The following TMEM179B variants were observed in gnomAD, a reference collection of about 807,000 sequenced individuals.
TMEM179B encodes the protein transmembrane protein 179B.
A neutral mutation model predicts 18.0 loss-of-function variants in TMEM179B; 13 were observed. The ratio of observed to expected loss-of-function variants is 0.72; its 90% CI spans 0.47 to 1.15. The LOEUF (loss-of-function observed/expected upper bound fraction) is 1.15. Ranked by LOEUF, TMEM179B falls within the 50% of genes most tolerant of loss-of-function variation. TMEM179B has a pLI of 0.00. For synonymous variants in TMEM179B, 159 were observed against 117.5 expected (o/e 1.35, Z -2.29); for missense variants, 320 against 270.6 (o/e 1.18, Z -1.28).
chr11:62,789,890 C>G lies in TMEM179B; in HGVS notation c.503C>G (p.Ser168Cys). The G allele has an allele frequency of 6.2e-7, 1 of 1,613,332 alleles. No homozygotes were observed. ...TCCTGTCCCTGTCTCCTACAGACCT[C>G]TTCTTGGGTGAATTTGGTATTGTGG... ...FYSNLHNAETSSWVNLVLWCV... is the reference protein window; with the variant it reads ...FYSNLHNAETCSWVNLVLWCV... The change falls in exon 5 of 5, where the codon TCT (serine) becomes TGT (cysteine). Residue 168 changes from serine (S) to cysteine (C), a missense_variant. Transcript: ENST00000333449.
Position 62,789,129 on chromosome 11 carries a change from G to A in TMEM179B, c.203G>A (p.Gly68Glu). 1.2e-6 allele frequency: 2 copies of A among 1,614,136 alleles called. No homozygotes were observed. The highest frequency in any genetic ancestry group is 1.1e-5 in the South Asian group (1 of 91,084). ...SAPSLCYFVA[G>E]ASGLLALYCL... The stretch of plus-strand genomic sequence containing the variant: ...CCATCCCTGTGCTACTTTGTAGCTG[G>A]GGCCTCTGGCCTCTTGGCCCTCTAC... The change falls in exon 2 of 5, where the codon GGG becomes GAG. Residue 68 changes from glycine (G) to glutamate (E), a missense_variant. Transcript: ENST00000333449.
chr11:62,787,465 G>A lies in TMEM179B; in HGVS notation c.34G>A (p.Ala12Thr). 1.3e-6 allele frequency: 2 copies of A among 1,575,846 alleles called. No individual in the cohort carries two copies. The highest frequency in any genetic ancestry group is 1.7e-5 in the Admixed American group (1 of 57,488). ...ALSWLQRVEL[A>T]LFAAAFLCGA... ...GTCCTGGCTGCAGCGCGTCGAGCTT[G>A]CGCTCTTTGCTGCCGCCTTCCTGTG... The change falls in exon 1 of 5, where the codon GCG (alanine) becomes ACG (threonine). Residue 12 changes from alanine to threonine, a missense_variant. Coordinates refer to ENST00000333449, the MANE Select transcript of TMEM179B (RefSeq NM_199337.3).
intron 1 of TMEM179B, among the ~76,000 whole-genome samples, chr11:62,788,585 T>G (rs1424257831): frequency 1.3e-5 from 2 of 148,188 alleles, no homozygotes; most frequent in Non-Finnish European, 3.0e-5. Flanking sequence ...GTGCCTGTAG[T>G]CCCAGCTACT....
At position 62,789,953 on chromosome 11, in the gene TMEM179B, C is replaced by T; in HGVS notation, c.566C>T (p.Ser189Phe). The change falls in exon 5 of 5, where the codon TCT becomes TTT. Residue 189 changes from serine (S) to phenylalanine (F), a missense_variant. Transcript: ENST00000333449. ...VLVLQVVQWK[S>F]EATPYRPLER... Reference sequence around the variant, plus strand: ...GTGCTCCAGGTCGTGCAGTGGAAGTCTGAAGCCACCCCATACCGGCCTCTG... The same window carrying T: ...GTGCTCCAGGTCGTGCAGTGGAAGTTTGAAGCCACCCCATACCGGCCTCTG... 1 of 1,614,144 alleles carries T rather than the reference C, an allele frequency of 6.2e-7. No individual in the cohort carries two copies.
rs1267261232 is a variant in TMEM179B at position 62,787,509 on chromosome 11, G to A, written c.78G>A (p.Ala26=). 2 of 1,576,910 alleles carry A rather than the reference G, an allele frequency of 1.3e-6. No individual in the cohort carries two copies. The highest frequency in any genetic ancestry group is 1.3e-5 in the African/African-American group (1 of 74,074). The change falls in exon 1 of 5, where the codon GCG becomes GCA. Residue 26 remains alanine, a synonymous_variant. Transcript: ENST00000333449. ...TCCTGTGCGGGGCCGTGGCGGCCGCGGCGATGACTCGGACCCAGGTGCGGC... is the reference window on the plus strand; with the variant it reads ...TCCTGTGCGGGGCCGTGGCGGCCGCAGCGATGACTCGGACCCAGGTGCGGC... ...AAFLCGAVAA[A]AMTRTQGSFS... is the part of the protein sequence containing the mutation.
chr11:62,787,864 C>G (rs1053973144), intron 1 of TMEM179B: 2 of 606,470 alleles, frequency 3.3e-6, no homozygotes, highest in South Asian at 3.0e-5. Context: ...TCCGTTAAAT[C>G]AGAAGCCATT....
intron 1 of TMEM179B, among the ~76,000 whole-genome samples, chr11:62,788,297 G>A (rs1384208095): frequency 6.6e-6 from 1 of 152,178 alleles, no homozygotes; most frequent in Non-Finnish European, 1.5e-5. Context: ...CAGCTACTTC[G>A]GAGGCTGAGG....
At chr11:62,787,648 G>T in intron 1 of TMEM179B, 121 bp downstream of exon 1, 1 of 1,265,538 alleles carries the variant, frequency 7.9e-7, no homozygotes, top group Non-Finnish European at 1.1e-6. Flanking sequence ...GGTGAGGCAC[G>T]GCTGGCGCCG....
Position 62,790,125 on chromosome 11 carries a change from A to G in TMEM179B, c.*78A>G. 1.8e-6 allele frequency: 1 copy of G among 542,904 alleles called. No individual in the cohort carries two copies. Among genetic ancestry groups the G allele is most frequent in the Non-Finnish European group, 3.0e-6 (1 of 336,876 alleles). 33.6% of individuals were successfully genotyped at this position (542,904 alleles called of 1,614,324 possible). ...AATCCCCCCCCTCAAGGCCCTGTTT[A>G]TGTTGGGAGTCTTAGTTTTCCTTTC... On this transcript the variant is annotated 3_prime_UTR_variant, in exon 5 of 5. Transcript: ENST00000333449.
Position 62,790,136 on chromosome 11 carries a change from C to T in TMEM179B, c.*89C>T. The T allele has an allele frequency of 2.8e-5, 24 of 860,332 alleles. No homozygotes were observed. The highest frequency in any genetic ancestry group is 1.2e-4 in the South Asian group (6 of 48,886). The allele number at this position is 860,332 out of a possible 1,614,324, so 53.3% of individuals were successfully genotyped here. On this transcript the variant is annotated 3_prime_UTR_variant, in exon 5 of 5. Coordinates refer to ENST00000333449, the MANE Select transcript of TMEM179B (RefSeq NM_199337.3). ...TCAAGGCCCTGTTTATGTTGGGAGT[C>T]TTAGTTTTCCTTTCGTTGGGGGGTG...
At position 62,789,213 on chromosome 11, in the gene TMEM179B, G is replaced by GCCC. The variant is rs2084328704; in HGVS notation, c.284+3_284+4insCCC. 6.2e-7 allele frequency: 1 copy of GCCC among 1,613,962 alleles called. No individual in the cohort carries two copies. The highest frequency in any genetic ancestry group is 8.5e-7 in the Non-Finnish European group (1 of 1,179,954). ...AGCTGCATCGAGGACTCCCACAGGT[G>GCCC]ACTGCCTAACCCTGAGGGCCAGGGG... On this transcript the variant is annotated splice_donor_region_variant and intron_variant, in intron 2 of 4. Transcript: ENST00000333449.
In TMEM179B at chr11:62,787,453, C is replaced by T; in HGVS notation, c.22C>T (p.Arg8Cys). The change falls in exon 1 of 5, where the codon CGC (arginine) becomes TGC (cysteine). Residue 8 changes from arginine (R) to cysteine (C), a missense_variant. Transcript: ENST00000333449. ...CGCCATGGCGCTGTCCTGGCTGCAG[C>T]GCGTCGAGCTTGCGCTCTTTGCTGC... MALSWLQ[R>C]VELALFAAAF... The T allele has an allele frequency of 1.9e-6, 3 of 1,569,618 alleles. No homozygotes were observed. Among genetic ancestry groups the T allele is most frequent in the Non-Finnish European group, 2.6e-6 (3 of 1,164,808 alleles).
At position 62,789,194 on chromosome 11, in the gene TMEM179B, A is replaced by T. The variant is rs765644739; in HGVS notation, c.268A>T (p.Ile90Phe). The change falls in exon 2 of 5, where the codon ATC (isoleucine) becomes TTC (phenylalanine). Residue 90 changes from isoleucine to phenylalanine, a missense_variant. By Grantham distance (21) the Ile-to-Phe change is conservative. Coordinates refer to ENST00000333449, the MANE Select transcript of TMEM179B (RefSeq NM_199337.3). ...LLLFWIYSSC[I>F]EDSHRGAIGL... ...GCTCTTCTGGATCTACAGCAGCTGC[A>T]TCGAGGACTCCCACAGGTGACTGCC... 3.1e-6 allele frequency: 5 copies of T among 1,614,186 alleles called. No individual in the cohort carries two copies. In the South Asian group the frequency reaches 5.5e-5, roughly 18 times the overall value.
Position 62,790,171 on chromosome 11 carries a change from C to A in TMEM179B, c.*124C>A. The A allele has an allele frequency of 8.9e-7, 1 of 1,124,716 alleles. No homozygotes were observed. Among genetic ancestry groups the A allele is most frequent in the African/African-American group, 1.6e-5 (1 of 63,596 alleles). 69.7% of individuals were successfully genotyped at this position (1,124,716 alleles called of 1,614,324 possible). A position where few individuals can be genotyped will look rare whatever the true frequency, so the allele number is the denominator to read the frequency against. On this transcript the variant is annotated 3_prime_UTR_variant, in exon 5 of 5. Coordinates refer to ENST00000333449, the MANE Select transcript of TMEM179B (RefSeq NM_199337.3). Reference sequence around the variant, plus strand: ...CTTTCGTTGGGGGGTGGGGGGGAAACATAATGACAGGCCCCCCTCCACCTC... The same window carrying A: ...CTTTCGTTGGGGGGTGGGGGGGAAAAATAATGACAGGCCCCCCTCCACCTC...
chr11:62,789,677 G>C lies in TMEM179B; in HGVS notation c.496G>C (p.Glu166Gln), dbSNP rs1406098795. 29 of 1,542,158 alleles carry C rather than the reference G, an allele frequency of 1.9e-5. No homozygotes were observed. Among genetic ancestry groups the C allele is most frequent in the Non-Finnish European group, 2.4e-5 (27 of 1,148,504 alleles). The part of the protein sequence containing the change: ...LQFYSNLHNA[E>Q]TSSWVNLVLW... ...GTTTTACTCCAACCTACACAATGCT[G>C]AAGTGAGACCCAAGGATAGGAGGAA... is the stretch of plus-strand genomic sequence containing the variant. Residue 166 changes from glutamate (E) to glutamine (Q), a missense_variant and splice_region_variant, in exon 4 of 5, where the codon GAA (glutamate) becomes CAA (glutamine). Physicochemically the swap from Glu to Gln is conservative, Grantham distance 29. Coordinates refer to ENST00000333449, the MANE Select transcript of TMEM179B (RefSeq NM_199337.3).
intron 4 of TMEM179B, 67 bp from the exon 5 acceptor site, chr11:62,789,819 G>A: frequency 6.4e-7 from 1 of 1,573,184 alleles, no homozygotes; most frequent in Non-Finnish European, 8.6e-7. Flanking sequence ...TCAGAGTGGT[G>A]TGTGGGTGGG....
At chr11:62,787,566 G>C in intron 1 of TMEM179B, 39 bp downstream of exon 1, 4 of 1,503,234 alleles carry the variant, frequency 2.7e-6, no homozygotes, top group Non-Finnish European at 3.5e-6. Flanking sequence ...CGGGGGAGCT[G>C]GCCGGTCTGG....
Position 62,790,151 on chromosome 11 carries a change from G to A in TMEM179B, c.*104G>A, listed in dbSNP as rs879747751. The stretch of plus-strand genomic sequence containing the variant: ...TGTTGGGAGTCTTAGTTTTCCTTTC[G>A]TTGGGGGGTGGGGGGGAAACATAAT... On this transcript the variant is annotated 3_prime_UTR_variant, in exon 5 of 5. Transcript: ENST00000333449. The A allele has an allele frequency of 5.4e-6, 7 of 1,300,184 alleles. No homozygotes were observed. Among genetic ancestry groups the A allele is most frequent in the African/African-American group, 1.5e-5 (1 of 66,410 alleles). 80.5% of individuals were successfully genotyped at this position (1,300,184 alleles called of 1,614,324 possible). A position where few individuals can be genotyped will look rare whatever the true frequency, so the allele number is the denominator to read the frequency against.
chr11:62,787,595 C>A (rs934304250), intron 1 of TMEM179B, 68 bp downstream of exon 1: 2 of 1,440,024 alleles, frequency 1.4e-6, no homozygotes, highest in Admixed American at 5.4e-5. Flanking sequence ...AGGCCACTTT[C>A]GCTTTCCGAC....
Sources: gnomAD v4.1 joint callset for allele counts (sites outside exome capture counted in the v4.1 genomes callset) on GRCh38, gnomAD v4.1.1 for gene constraint, MANE v1.5 for transcripts, NCBI Gene and HGNC (gene_info 2026-07-23, HGNC 2026-07-21) for gene names.